The following B3GALT1 variants were observed in gnomAD, a reference collection of about 807,000 sequenced individuals.
B3GALT1 encodes beta-1,3-galactosyltransferase 1, also known as UDP-Gal:betaGlcNAc beta 1,3-galactosyltransferase, polypeptide 1.
A neutral mutation model predicts 23.2 loss-of-function variants in B3GALT1; 10 were observed. The observed-to-expected ratio is 0.43, with a 90% CI of 0.27 to 0.73. The LOEUF (loss-of-function observed/expected upper bound fraction) is 0.73. Ranked by LOEUF, B3GALT1 falls within the 30% of genes least tolerant of loss-of-function variation. The pLI is 0.21. For synonymous variants in B3GALT1, 156 were observed against 141.5 expected, an observed-to-expected ratio of 1.10 and a Z score of -0.73; for missense variants, 299 against 405.4, an observed-to-expected ratio of 0.74 and a Z score of 2.25.
intron 2 of B3GALT1, among the ~76,000 whole-genome samples, chr2:167,615,484 C>T (rs958752126): frequency 2.6e-5 from 4 of 151,626 alleles, no homozygotes; most frequent in South Asian, 2.1e-4. Flanking sequence ...TGCATAGTGA[C>T]GACAGTTAAT....
At chr2:167,519,237 G>A (rs1174335455) in intron 2 of B3GALT1, among the ~76,000 whole-genome samples, 1 of 152,060 alleles carries the variant, frequency 6.6e-6, no homozygotes, top group Non-Finnish European at 1.5e-5. Context: ...CTTGGAATTG[G>A]CGGGCATACT....
chr2:167,825,459 T>TGTGTGC (rs1689199477), intron 4 of B3GALT1, among the ~76,000 whole-genome samples: 1 of 145,444 alleles, frequency 6.9e-6, no homozygotes, highest in African/African-American at 2.6e-5. Context: ...TGTGTGTGCG[T>TGTGTGC]GCACGTGTGT....
intron 3 of B3GALT1, among the ~76,000 whole-genome samples, chr2:167,808,261 G>T (rs538246763): frequency 1.7e-4 from 26 of 150,996 alleles, no homozygotes; most frequent in South Asian, 1.3e-3. Context: ...TATCCAATTT[G>T]CCAGTCTGTG....
intron 3 of B3GALT1, among the ~76,000 whole-genome samples, chr2:167,782,080 A>T (rs1688256181): frequency 6.6e-6 from 1 of 152,162 alleles, no homozygotes; most frequent in African/African-American, 2.4e-5. Context: ...GGGAAGCCAG[A>T]GATAAGAGAC....
At chr2:167,743,291 A>G (rs908843809) in intron 3 of B3GALT1, among the ~76,000 whole-genome samples, 1 of 152,122 alleles carries the variant, frequency 6.6e-6, no homozygotes, top group African/African-American at 2.4e-5. Context: ...TAAAGGTTCT[A>G]TTTTACAAAA....
intron 3 of B3GALT1, among the ~76,000 whole-genome samples, chr2:167,654,803 T>C (rs1196849117): frequency 9.1e-5 from 1 of 11,008 alleles, no homozygotes; most frequent in Admixed American, 1.5e-3. Context: ...GCCTCTTTCT[T>C]TTTTTTTTTT....
intron 1 of B3GALT1, among the ~76,000 whole-genome samples, chr2:167,318,673 G>T (rs1696757369): frequency 6.6e-6 from 1 of 152,062 alleles, no homozygotes; most frequent in Non-Finnish European, 1.5e-5. Context: ...TTGGGTTCAG[G>T]AATGCAAGCC....
At chr2:167,464,696 A>G (rs973321720) in intron 1 of B3GALT1, among the ~76,000 whole-genome samples, 3 of 152,182 alleles carry the variant, frequency 2.0e-5, no homozygotes, top group Non-Finnish European at 4.4e-5. Flanking sequence ...CTCCACTTGC[A>G]AATCTTTCAT....
chr2:167,472,453 A>G (rs1699430467), intron 1 of B3GALT1, among the ~76,000 whole-genome samples: 1 of 152,152 alleles, frequency 6.6e-6, no homozygotes, highest in Admixed American at 6.6e-5. Flanking sequence ...AGTGTTTCCC[A>G]TAAACTCTAA....
intron 2 of B3GALT1, among the ~76,000 whole-genome samples, chr2:167,532,826 C>A (rs190329204): frequency 1.4e-5 from 2 of 147,390 alleles, no homozygotes; most frequent in African/African-American, 5.0e-5. Context: ...ATCATGTCTG[C>A]AGATAGAGAA....
chr2:167,488,993 G>A (rs954908950), intron 1 of B3GALT1, among the ~76,000 whole-genome samples: 1 of 151,784 alleles, frequency 6.6e-6, no homozygotes, highest in African/African-American at 2.4e-5. Flanking sequence ...AAAATACTTT[G>A]TGTCTCCTTG....
rs539125203 is a variant in B3GALT1 at position 167,663,272 on chromosome 2, C to T, written c.-352+16306C>T. Among the ~76,000 whole-genome samples, 177 of 152,124 alleles carry T rather than the reference C, an allele frequency of 1.2e-3. 1 individual carries two copies. Among genetic ancestry groups the T allele is most frequent in the African/African-American group, 3.6e-3 (151 of 41,480 alleles). On this transcript the variant is annotated intron_variant, in intron 3 of 4. Coordinates refer to ENST00000392690, the MANE Select transcript of B3GALT1 (RefSeq NM_020981.4). ...ATGATTTCCAATTTCATCCATGTCC[C>T]TACAAAGGACATTAACTCATCATTT...
chr2:167,867,133 A>G (rs944336087), intron 4 of B3GALT1, among the ~76,000 whole-genome samples: 7 of 152,116 alleles, frequency 4.6e-5, no homozygotes, highest in African/African-American at 9.7e-5. Flanking sequence ...TCACCGTTTT[A>G]GCCAGGATGG....
intron 4 of B3GALT1, among the ~76,000 whole-genome samples, chr2:167,857,861 T>A (rs546388908): frequency 6.6e-6 from 1 of 152,100 alleles, no homozygotes; most frequent in Non-Finnish European, 1.5e-5. Flanking sequence ...TGAAAATTGC[T>A]AAGTCCCTCC....
Position 167,648,473 on chromosome 2 carries a change from C to A in B3GALT1, c.-352+1507C>A, listed in dbSNP as rs190405341. 1.7e-3 allele frequency among the ~76,000 whole-genome samples: 259 copies of A among 152,168 alleles called. 4 individuals carry two copies. The highest frequency in any genetic ancestry group is 3.3e-3 in the South Asian group (16 of 4,818). ...TGTCTCTACTCATCCCATCTCTGTCCAATTCCTACCCATTTCTTAGGATAC... is the reference window on the plus strand; with the variant it reads ...TGTCTCTACTCATCCCATCTCTGTCAAATTCCTACCCATTTCTTAGGATAC... On this transcript the variant is annotated intron_variant, in intron 3 of 4. Coordinates refer to ENST00000392690, the MANE Select transcript of B3GALT1 (RefSeq NM_020981.4).
At chr2:167,668,811 G>A (rs1206122154) in intron 3 of B3GALT1, among the ~76,000 whole-genome samples, 11 of 152,144 alleles carry the variant, frequency 7.2e-5, no homozygotes, top group East Asian at 3.9e-4. Flanking sequence ...TTCGGCTCGC[G>A]CACGGTGCGT....
At chr2:167,430,406 A>G (rs1428422038) in intron 1 of B3GALT1, among the ~76,000 whole-genome samples, 2 of 152,192 alleles carry the variant, frequency 1.3e-5, no homozygotes, top group Admixed American at 1.3e-4. Context: ...CAGAGGCATG[A>G]TATGATCTGA....
In B3GALT1 at chr2:167,665,174, C is replaced by T. The variant is rs1219371997; in HGVS notation, c.-352+18208C>T. 2.8e-4 allele frequency among the ~76,000 whole-genome samples: 42 copies of T among 147,524 alleles called. 1 individual carries two copies. The East Asian group carries it at 4.7e-3, about 17-fold the overall frequency. On this transcript the variant is annotated intron_variant, in intron 3 of 4. Transcript: ENST00000392690. ...TTTATTGAGAGTTTTTAGCATGAAG[C>T]GTTGTTGAATTTTGTCAAAGGCCTT...
intron 1 of B3GALT1, among the ~76,000 whole-genome samples, chr2:167,451,108 T>C (rs74604790): frequency 0.017 from 2,640 of 152,204 alleles, 82 homozygotes; most frequent in African/African-American, 0.061. Flanking sequence ...TATATATGTA[T>C]TTTTTATTTC....
Sources: gnomAD v4.1 joint callset for allele counts (sites outside exome capture counted in the v4.1 genomes callset) on GRCh38, gnomAD v4.1.1 for gene constraint, MANE v1.5 for transcripts, NCBI Gene and HGNC (gene_info 2026-07-23, HGNC 2026-07-21) for gene names.